Variants in CNTN4 observed in about 807,000 individuals in gnomAD.
CNTN4 encodes contactin-4.
In CNTN4, 77 loss-of-function variants were observed where a neutral mutation model predicts 122.5. That is an observed-to-expected ratio of 0.63 (90% CI 0.52 to 0.76). CNTN4 has a LOEUF of 0.76. Among genes scored for constraint, CNTN4 ranks in the 30% least tolerant of loss-of-function variants. CNTN4 has a pLI of 0.00. For synonymous variants in CNTN4, 512 were observed against 447.0 expected (o/e 1.15, Z -1.83); for missense variants, 1,256 against 1,259.1 (o/e 1.00, Z 0.04).
At chr3:2,238,663 G>A (rs940868047) in intron 2 of CNTN4, among the ~76,000 whole-genome samples, 4 of 149,570 alleles carry the variant, frequency 2.7e-5, no homozygotes, top group Non-Finnish European at 4.4e-5. Flanking sequence ...CAAACTGTGC[G>A]TTTTGGAACC....
At chr3:2,122,276 C>T (rs2033851343) in intron 2 of CNTN4, among the ~76,000 whole-genome samples, 1 of 152,012 alleles carries the variant, frequency 6.6e-6, no homozygotes, top group African/African-American at 2.4e-5. Flanking sequence ...AACTCTTTTC[C>T]CTAGAGACAA....
intron 13 of CNTN4, among the ~76,000 whole-genome samples, chr3:2,975,008 A>C (rs1693291181): frequency 6.6e-6 from 1 of 152,172 alleles, no homozygotes; most frequent in African/African-American, 2.4e-5. Flanking sequence ...CTTTCTAATT[A>C]ATAATTAATA....
intron 7 of CNTN4, among the ~76,000 whole-genome samples, chr3:2,824,291 G>A (rs1056804503): frequency 6.6e-6 from 1 of 151,770 alleles, no homozygotes; most frequent in Non-Finnish European, 1.5e-5. Context: ...GAGAAACCCC[G>A]TCTCTGCTAA....
At chr3:2,332,177 G>A (rs1432012486) in intron 2 of CNTN4, among the ~76,000 whole-genome samples, 1 of 152,018 alleles carries the variant, frequency 6.6e-6, no homozygotes, top group East Asian at 1.9e-4. Flanking sequence ...AGTAACTTAT[G>A]GGCCACAATG....
intron 12 of CNTN4, among the ~76,000 whole-genome samples, chr3:2,905,700 G>A (rs1387752805): frequency 1.3e-5 from 2 of 152,242 alleles, no homozygotes; most frequent in Non-Finnish European, 2.9e-5. Flanking sequence ...ATAAAGGCAT[G>A]TCATCAAATT....
chr3:2,556,838 G>A (rs1361940497), intron 3 of CNTN4, among the ~76,000 whole-genome samples: 1 of 152,096 alleles, frequency 6.6e-6, no homozygotes, highest in East Asian at 1.9e-4. Context: ...TTTAGTTAGT[G>A]GCTGCTATGG....
chr3:2,996,324 C>A lies in CNTN4; in HGVS notation c.1486+7852C>A, dbSNP rs368901979. Among the ~76,000 whole-genome samples the A allele has an allele frequency of 1.9e-4, 29 of 152,178 alleles. No individual in the cohort carries two copies. In the East Asian group the frequency reaches 5.6e-3, roughly 29 times the overall value. ...AAAATATTTCAAATTAAAAAGAATA[C>A]CTCAGGTCAGAATCCTACATGGTCA... is the stretch of plus-strand genomic sequence containing the variant. On this transcript the variant is annotated intron_variant, in intron 14 of 24. Coordinates refer to ENST00000418658, the MANE Select transcript of CNTN4 (RefSeq NM_175607.3).
intron 2 of CNTN4, among the ~76,000 whole-genome samples, chr3:2,287,650 A>T (rs190706093): frequency 7.6e-5 from 2 of 26,176 alleles, no homozygotes; most frequent in Non-Finnish European, 2.0e-4. Flanking sequence ...GAAGAAGAAG[A>T]AGAAGAAGAA....
intron 6 of CNTN4, among the ~76,000 whole-genome samples, chr3:2,756,382 G>A (rs1450747706): frequency 1.3e-5 from 2 of 152,178 alleles, no homozygotes; most frequent in Non-Finnish European, 1.5e-5. Context: ...TGCCATGTGA[G>A]TGAGAAGGTG....
intron 23 of CNTN4, among the ~76,000 whole-genome samples, chr3:3,046,909 C>T (rs1349236702): frequency 7.4e-6 from 1 of 136,054 alleles, no homozygotes; most frequent in African/African-American, 2.8e-5. Context: ...CACATAGGCT[C>T]AAAATAAAGG....
At chr3:2,957,226 A>G (rs77549012) in intron 13 of CNTN4, among the ~76,000 whole-genome samples, 4,763 of 152,220 alleles carry the variant, frequency 0.031, 225 homozygotes, top group African/African-American at 0.11. Context: ...ATTTTCCACA[A>G]TGGTTATACC....
intron 6 of CNTN4, among the ~76,000 whole-genome samples, chr3:2,808,357 T>C (rs1576873021): frequency 2.6e-5 from 4 of 152,302 alleles, no homozygotes; most frequent in Admixed American, 2.6e-4. Context: ...CTGATTTGCC[T>C]TCTAAGGTGC....
chr3:2,252,938 A>AT (rs368721780), intron 2 of CNTN4, among the ~76,000 whole-genome samples: 31 of 152,016 alleles, frequency 2.0e-4, no homozygotes, highest in African/African-American at 6.7e-4. Context: ...CTGATTTTTA[A>AT]TTTTTTTGTC....
At chr3:2,847,943 C>A (rs1454567432) in intron 7 of CNTN4, among the ~76,000 whole-genome samples, 1 of 152,138 alleles carries the variant, frequency 6.6e-6, no homozygotes, top group African/African-American at 2.4e-5. Context: ...TAACAACTGG[C>A]AAATGTGGTA....
At chr3:2,973,794 A>G (rs1475058507) in intron 13 of CNTN4, among the ~76,000 whole-genome samples, 2 of 152,206 alleles carry the variant, frequency 1.3e-5, no homozygotes, top group South Asian at 2.1e-4. Context: ...TGTAACATCA[A>G]TGCCATGTGA....
intron 6 of CNTN4, among the ~76,000 whole-genome samples, chr3:2,751,968 G>C (rs1396446579): frequency 6.6e-6 from 1 of 151,988 alleles, no homozygotes; most frequent in Non-Finnish European, 1.5e-5. Context: ...TAGAACTCCA[G>C]CTTCTCAATA....
chr3:2,123,753 G>A (rs1006959550), intron 2 of CNTN4, among the ~76,000 whole-genome samples: 1 of 152,198 alleles, frequency 6.6e-6, no homozygotes, highest in Non-Finnish European at 1.5e-5. Flanking sequence ...GATCGTTAGA[G>A]TTTCAGACTT....
chr3:2,868,803 A>G (rs2093752736), intron 8 of CNTN4, among the ~76,000 whole-genome samples: 1 of 152,196 alleles, frequency 6.6e-6, no homozygotes, highest in South Asian at 2.1e-4. Context: ...ATTATTTTAG[A>G]TGCCAGTAAA....
At chr3:2,124,194 G>C (rs1337716711) in intron 2 of CNTN4, among the ~76,000 whole-genome samples, 1 of 152,170 alleles carries the variant, frequency 6.6e-6, no homozygotes, top group African/African-American at 2.4e-5. Context: ...GAGGTGATGA[G>C]AGTGAGGGGA....
Sources: allele counts gnomAD v4.1 joint callset (sites outside exome capture counted in the v4.1 genomes callset), GRCh38; gene constraint gnomAD v4.1.1; transcripts MANE v1.5; gene names NCBI Gene and HGNC (gene_info 2026-07-23, HGNC 2026-07-21).